TBCE: variants seen among roughly 807,000 people sequenced by gnomAD.
TBCE encodes tubulin-specific chaperone E.
A neutral mutation model predicts 77.0 loss-of-function variants in TBCE; 53 were observed. The ratio of observed to expected loss-of-function variants is 0.69; its 90% CI spans 0.55 to 0.87. The LOEUF (loss-of-function observed/expected upper bound fraction) is 0.87. TBCE is among the 40% of genes least tolerant of loss of function. The pLI is 0.00. For missense variants in TBCE, 624 were observed against 622.4 expected (o/e 1.00, Z -0.03); for synonymous variants, 235 against 241.3 (o/e 0.97, Z 0.24).
chr1:235,392,665 C>T (rs1277424974), intron 2 of TBCE, among the ~76,000 whole-genome samples: 1 of 151,680 alleles, frequency 6.6e-6, no homozygotes, highest in Admixed American at 6.6e-5. Flanking sequence ...CCCACCTCAG[C>T]CTCCCAAAGT....
intron 2 of TBCE, among the ~76,000 whole-genome samples, chr1:235,388,592 C>G (rs1678179425): frequency 6.6e-6 from 1 of 152,100 alleles, no homozygotes; most frequent in Admixed American, 6.6e-5. Context: ...CCTGGCTCTA[C>G]TCTGTTACTT....
chr1:235,392,147 T>C (rs1219875218), intron 2 of TBCE, among the ~76,000 whole-genome samples: 1 of 151,642 alleles, frequency 6.6e-6, no homozygotes, highest in Non-Finnish European at 1.5e-5. Context: ...CGTAACAAGA[T>C]CCCTGTCTCT....
At chr1:235,397,859 C>T (rs1323759880) in intron 2 of TBCE, among the ~76,000 whole-genome samples, 2 of 152,108 alleles carry the variant, frequency 1.3e-5, no homozygotes, top group East Asian at 3.9e-4. Context: ...ACCCTTATAC[C>T]ATGTCTGTCC....
At chr1:235,394,620 G>A (rs188295896) in intron 2 of TBCE, among the ~76,000 whole-genome samples, 13 of 151,350 alleles carry the variant, frequency 8.6e-5, no homozygotes, top group Admixed American at 1.3e-4. Flanking sequence ...TTTAGAGAGC[G>A]GGTTTTGCCA....
At position 235,403,132 on chromosome 1, in the gene TBCE, G is replaced by A. The variant is rs562475282; in HGVS notation, c.185+1545G>A. On this transcript the variant is annotated intron_variant, in intron 3 of 16. Transcript: ENST00000642610. ...CAGAGCTGTTCAGGTTATATGGTTA[G>A]GGAGAAATATTTTAGCCAGGCCCAC... Among the ~76,000 whole-genome samples the A allele has an allele frequency of 1.4e-3, 211 of 152,292 alleles. 3 individuals are homozygous for A. The highest frequency in any genetic ancestry group is 4.9e-3 in the African/African-American group (202 of 41,574).
intron 1 of TBCE, among the ~76,000 whole-genome samples, chr1:235,371,978 T>G (rs1220156571): frequency 2.0e-5 from 3 of 151,152 alleles, no homozygotes; most frequent in Non-Finnish European, 4.4e-5. Flanking sequence ...CTGCCCTTTT[T>G]TTCATTTTTT....
intron 15 of TBCE, among the ~76,000 whole-genome samples, chr1:235,445,834 G>T (rs924602494): frequency 2.0e-5 from 3 of 152,170 alleles, no homozygotes; most frequent in African/African-American, 7.2e-5. Flanking sequence ...GGTAAAGATA[G>T]TAAGAATCTA....
intron 15 of TBCE, among the ~76,000 whole-genome samples, chr1:235,445,659 AC>A (rs1231935383): frequency 1.3e-5 from 2 of 151,818 alleles, no homozygotes; most frequent in African/African-American, 4.8e-5. Context: ...ACAAAACAAA[AC>A]TGCAATATCT....
At chr1:235,435,593 A>G in intron 8 of TBCE, 152 bp from the exon 9 acceptor site, 2 of 684,738 alleles carry the variant, frequency 2.9e-6, no homozygotes, top group Non-Finnish European at 5.2e-6. Context: ...GTGCATCACC[A>G]CAGGGACCAC....
At chr1:235,414,196 T>G (rs909809210) in intron 3 of TBCE, among the ~76,000 whole-genome samples, 1 of 152,200 alleles carries the variant, frequency 6.6e-6, no homozygotes, top group South Asian at 2.1e-4. Context: ...CTAATGTGAA[T>G]TGTCAGTTTC....
At chr1:235,372,112 C>T (rs970407940) in intron 1 of TBCE, among the ~76,000 whole-genome samples, 1 of 152,168 alleles carries the variant, frequency 6.6e-6, no homozygotes. Context: ...CTCCCAAATA[C>T]ATTGGCCTAT....
chr1:235,421,826 C>G (rs1383945367), intron 5 of TBCE, among the ~76,000 whole-genome samples: 1 of 152,158 alleles, frequency 6.6e-6, no homozygotes, highest in Non-Finnish European at 1.5e-5. Flanking sequence ...CAAAAAATAG[C>G]AGTTTTGATC....
At chr1:235,378,164 T>C (rs1424232635) in intron 1 of TBCE, among the ~76,000 whole-genome samples, 2 of 152,228 alleles carry the variant, frequency 1.3e-5, no homozygotes, top group Admixed American at 6.6e-5. Flanking sequence ...TCAATAGTTA[T>C]GTAACTTGTC....
In TBCE at chr1:235,449,025, T is replaced by TAA. The variant is rs1461677690; in HGVS notation, c.*264_*265dup. Reference sequence around the variant, plus strand: ...TACAGCTCATCACTGCATTTCATGATAAGATTTAAATATTAAATAGAAAGA... The same window carrying TAA: ...TACAGCTCATCACTGCATTTCATGATAAAAGATTTAAATATTAAATAGAAAGA... On this transcript the variant is annotated 3_prime_UTR_variant, in exon 17 of 17. Coordinates refer to ENST00000642610, the MANE Select transcript of TBCE (RefSeq NM_003193.5). 58 of 378,108 alleles carry TAA rather than the reference T, an allele frequency of 1.5e-4. No homozygotes were observed. The Admixed American group carries it at 2.2e-3, about 14-fold the overall frequency. 23.4% of individuals were successfully genotyped at this position (378,108 alleles called of 1,614,324 possible).
At position 235,443,185 on chromosome 1, in the gene TBCE, C is replaced by T. The variant is rs56687414; in HGVS notation, c.1399+274C>T. 0.15 allele frequency among the ~76,000 whole-genome samples: 20,545 copies of T among 139,540 alleles called. 1,880 individuals carry two copies. The highest frequency in any genetic ancestry group is 0.26 in the African/African-American group (10,604 of 40,074). The allele number at this position is 139,540 out of a possible 152,430, so 91.5% of individuals were successfully genotyped here. A position where few individuals can be genotyped will look rare whatever the true frequency, so the allele number is the denominator to read the frequency against. ...ATAATTACACACACACACACACACACATATATATATACACACACACACACA... is the reference window on the plus strand; with the variant it reads ...ATAATTACACACACACACACACACATATATATATATACACACACACACACA... On this transcript the variant is annotated intron_variant, in intron 15 of 16. Coordinates refer to ENST00000642610, the MANE Select transcript of TBCE (RefSeq NM_003193.5).
At chr1:235,372,941 AAAAAGAG>A (rs936191781) in intron 1 of TBCE, among the ~76,000 whole-genome samples, 1 of 151,674 alleles carries the variant, frequency 6.6e-6, no homozygotes, top group Non-Finnish European at 1.5e-5. Flanking sequence ...AAAAAAAAAA[AAAAAGAG>A]AGAAATTATT....
intron 9 of TBCE, 71 bp downstream of exon 9, chr1:235,435,911 T>C (rs1405907451): frequency 7.8e-7 from 1 of 1,284,884 alleles, no homozygotes; most frequent in Non-Finnish European, 1.1e-6. Flanking sequence ...TCATATGCTA[T>C]GTATGCTTTC....
chr1:235,376,325 CCTT>C (rs1233704782), intron 1 of TBCE, among the ~76,000 whole-genome samples: 1 of 152,114 alleles, frequency 6.6e-6, no homozygotes, highest in Non-Finnish European at 1.5e-5. Context: ...ATGGCTGCCC[CCTT>C]CTTCTCACCA....
intron 3 of TBCE, among the ~76,000 whole-genome samples, chr1:235,406,498 T>A (rs1572375999): frequency 6.6e-6 from 1 of 152,222 alleles, no homozygotes; most frequent in East Asian, 1.9e-4. Context: ...GTCTTTGGTA[T>A]ATCCAAAGAA....
Sources: gnomAD v4.1 joint callset for allele counts (sites outside exome capture counted in the v4.1 genomes callset) on GRCh38, gnomAD v4.1.1 for gene constraint, MANE v1.5 for transcripts, NCBI Gene and HGNC (gene_info 2026-07-23, HGNC 2026-07-21) for gene names.